Variants in VPS53 observed in about 807,000 individuals in gnomAD.
The protein encoded by VPS53 is VPS53 subunit of GARP complex.
VPS53 carries 70 observed loss-of-function variants against 107.0 expected under a neutral mutation model. The ratio of observed to expected loss-of-function variants is 0.65; its 90% confidence interval spans 0.54 to 0.80. The LOEUF (loss-of-function observed/expected upper bound fraction) is 0.80, where lower values mean the gene tolerates loss of function less well. VPS53 is among the 30% of genes least tolerant of loss of function. The pLI, the probability that VPS53 is intolerant of heterozygous loss-of-function variation, is 0.00. For synonymous variants in VPS53, 409 were observed against 393.3 expected (o/e 1.04, Z -0.47); for missense variants, 917 against 1,049.4 (o/e 0.87, Z 1.74).
intron 19 of VPS53, among the ~76,000 whole-genome samples, chr17:525,250 A>T (rs1909041147): frequency 1.3e-5 from 2 of 152,260 alleles, no homozygotes; most frequent in Non-Finnish European, 2.9e-5. Flanking sequence ...ATTTGTGAAT[A>T]TATACACATA....
intron 11 of VPS53, among the ~76,000 whole-genome samples, chr17:611,005 A>G (rs1968845254): frequency 6.6e-6 from 1 of 152,254 alleles, no homozygotes; most frequent in South Asian, 2.1e-4. Context: ...CTCAACAATA[A>G]AAACAATCCA....
Position 630,451 on chromosome 17 carries a change from T to C in VPS53, c.687+1099A>G, listed in dbSNP as rs1311890444. Among the ~76,000 whole-genome samples, 11 of 152,262 alleles carry C rather than the reference T, an allele frequency of 7.2e-5. No individual in the cohort carries two copies. In the East Asian group the frequency reaches 2.1e-3, roughly 29 times the overall value. On this transcript the variant is annotated intron_variant, in intron 8 of 21. Coordinates refer to ENST00000437048, the MANE Select transcript of VPS53 (RefSeq NM_001128159.3). ...ACCTTCATTTTCCTCATGTAATAAA[T>C]AGGACTAATGGCTTTCCAATATCTA...
chr17:537,341 TACTC>T lies in VPS53; in HGVS notation c.1867-169_1867-166del, dbSNP rs1910169934. The T allele has an allele frequency of 9.5e-6, 7 of 740,002 alleles. 1 individual carries two copies. Among genetic ancestry groups the T allele is most frequent in the South Asian group, 5.7e-5 (3 of 52,616 alleles). 45.8% of individuals were successfully genotyped at this position (740,002 alleles called of 1,614,324 possible). A position where few individuals can be genotyped will look rare whatever the true frequency, so the allele number is the denominator to read the frequency against. ...TTCTTATTCGTTCTGTAGGGACTGA[TACTC>T]AGGACAAATGCGAGTGTGCCCAGCG... On this transcript the variant is annotated intron_variant, in intron 17 of 21. Transcript: ENST00000437048.
chr17:540,996 A>G (rs1910594204), intron 17 of VPS53, among the ~76,000 whole-genome samples: 1 of 152,208 alleles, frequency 6.6e-6, no homozygotes, highest in South Asian at 2.1e-4. Context: ...CTATTGCTAT[A>G]GGAAGCTTGG....
chr17:545,276 C>A (rs887287863), intron 17 of VPS53, among the ~76,000 whole-genome samples: 1 of 152,282 alleles, frequency 6.6e-6, no homozygotes, highest in South Asian at 2.1e-4. Flanking sequence ...AGCAAACTAC[C>A]GCTCTGCATT....
chr17:620,763 C>T (rs762396144), intron 11 of VPS53, among the ~76,000 whole-genome samples: 7 of 151,452 alleles, frequency 4.6e-5, no homozygotes, highest in South Asian at 4.2e-4. Flanking sequence ...CCCACCACCA[C>T]GCCTGACTAA....
chr17:563,579 C>A (rs1427679326), intron 13 of VPS53, among the ~76,000 whole-genome samples: 11 of 152,156 alleles, frequency 7.2e-5, no homozygotes, highest in Non-Finnish European at 1.5e-5. Context: ...CAGGTGTGAG[C>A]CACTCACTGC....
At position 513,803 on chromosome 17, in the gene VPS53, GCGAAGGAA is replaced by G; in HGVS notation, c.*5317_*5324del. Reference sequence around the variant, plus strand: ...CAGGTTATTCCGAGTGCTCTTCCTAGCGAAGGAATCCCATTTCCAGCAGGTTATTCCGA... The same window carrying G: ...CAGGTTATTCCGAGTGCTCTTCCTAGTCCCATTTCCAGCAGGTTATTCCGA... On this transcript the variant is annotated 3_prime_UTR_variant, in exon 22 of 22. Transcript: ENST00000437048. 2.3e-5 allele frequency: 3 copies of G among 131,814 alleles called. No individual in the cohort carries two copies. Among genetic ancestry groups the G allele is most frequent in the African/African-American group, 8.6e-5 (3 of 34,690 alleles). The allele number at this position is 131,814 out of a possible 1,614,324, so 8.2% of individuals were successfully genotyped here. A position where few individuals can be genotyped will look rare whatever the true frequency, so the allele number is the denominator to read the frequency against.
intron 17 of VPS53, among the ~76,000 whole-genome samples, chr17:539,615 C>T (rs1910434520): frequency 6.6e-6 from 1 of 152,186 alleles, no homozygotes; most frequent in South Asian, 2.1e-4. Flanking sequence ...AGGAGGGTCA[C>T]TGGAGCCCAG....
At chr17:708,970 G>A (rs529843254) in intron 2 of VPS53, among the ~76,000 whole-genome samples, 1 of 151,984 alleles carries the variant, frequency 6.6e-6, no homozygotes. Context: ...TTCCGCCCAC[G>A]CCTTCCTTCC....
At chr17:579,529 T>C (rs1966879806) in intron 13 of VPS53, among the ~76,000 whole-genome samples, 1 of 148,342 alleles carries the variant, frequency 6.7e-6, no homozygotes, top group South Asian at 2.1e-4. Flanking sequence ...CTCAGTGCAT[T>C]CCCAGAGAAC....
At position 586,271 on chromosome 17, in the gene VPS53, T is replaced by C. The variant is rs367609690; in HGVS notation, c.1312A>G (p.Lys438Glu). ...HLYVYIESQD[K>E]NLGELIDRFV... ...AAACAGCGAATGTTCCTCACTCACT[T>C]GTCTTGGGATTCGATATACACGTAG... The change falls in exon 13 of 22, where the codon AAG (lysine) becomes GAG (glutamate). Residue 438 changes from lysine (K) to glutamate (E), a missense_variant and splice_region_variant. Physicochemically the swap from Lys to Glu is moderately conservative, Grantham distance 56. Coordinates refer to ENST00000437048, the MANE Select transcript of VPS53 (RefSeq NM_001128159.3). The C allele has an allele frequency of 2.5e-6, 4 of 1,613,558 alleles. No homozygotes were observed. The African/African-American group carries it at 4.0e-5, about 16-fold the overall frequency.
chr17:587,491 G>A (rs1483923177), intron 12 of VPS53, among the ~76,000 whole-genome samples: 3 of 152,216 alleles, frequency 2.0e-5, no homozygotes, highest in African/African-American at 7.2e-5. Context: ...CAGGCAGGCA[G>A]GCAGACTATA....
At chr17:632,924 A>G (rs1970023729) in intron 7 of VPS53, 1 of 376,582 alleles carries the variant, frequency 2.7e-6, no homozygotes, top group African/African-American at 2.1e-5. Flanking sequence ...AAACAAAAAG[A>G]GCCAAGTGAC....
At chr17:677,282 A>G (rs1030182769) in intron 4 of VPS53, among the ~76,000 whole-genome samples, 1 of 152,248 alleles carries the variant, frequency 6.6e-6, no homozygotes, top group Non-Finnish European at 1.5e-5. Flanking sequence ...AAGAGAAGAA[A>G]GTGCTGATAC....
At chr17:598,723 G>A (rs1457385638) in intron 12 of VPS53, among the ~76,000 whole-genome samples, 81 of 108,128 alleles carry the variant, frequency 7.5e-4, no homozygotes, top group African/African-American at 2.2e-3. Context: ...CCCTCTGCCC[G>A]GCAACCGCCC....
rs1414196407 is a variant in VPS53, at chr17:515,953, CTGCTT to C, written c.*3170_*3174del. 7 of 116,560 alleles carry C rather than the reference CTGCTT, an allele frequency of 6.0e-5. No individual in the cohort carries two copies. Among genetic ancestry groups the C allele is most frequent in the Admixed American group, 4.6e-4 (5 of 10,840 alleles). The allele number at this position is 116,560 out of a possible 1,614,324, so 7.2% of individuals were successfully genotyped here. ...GGGATTACAGGCACCCGCCACCTGCCTGCTTTTTTTTTTTTTTTTTTTGTATTTTT... is the reference window on the plus strand; with the variant it reads ...GGGATTACAGGCACCCGCCACCTGCCTTTTTTTTTTTTTTTTTGTATTTTT... On this transcript the variant is annotated 3_prime_UTR_variant, in exon 22 of 22. Coordinates refer to ENST00000437048, the MANE Select transcript of VPS53 (RefSeq NM_001128159.3).
chr17:696,186 G>T (rs1383031554), intron 4 of VPS53, among the ~76,000 whole-genome samples: 1 of 152,098 alleles, frequency 6.6e-6, no homozygotes, highest in African/African-American at 2.4e-5. Flanking sequence ...ACAGGCCAAA[G>T]GAAACTGGCT....
chr17:673,004 C>G (rs1377722580), intron 4 of VPS53, among the ~76,000 whole-genome samples: 1 of 150,572 alleles, frequency 6.6e-6, no homozygotes, highest in Non-Finnish European at 1.5e-5. Context: ...CCCAGCTACT[C>G]GGGAGACTTA....
Sources: allele counts gnomAD v4.1 joint callset (sites outside exome capture counted in the v4.1 genomes callset), GRCh38; gene constraint gnomAD v4.1.1; transcripts MANE v1.5; gene names NCBI Gene and HGNC (gene_info 2026-07-23, HGNC 2026-07-21).